Variants in LY6G6F observed in about 807,000 individuals in gnomAD.
LY6G6F encodes lymphocyte antigen 6 complex locus protein G6f.
Under a neutral mutation model 33.0 loss-of-function variants are expected in LY6G6F, and 26 were observed. The ratio of observed to expected loss-of-function variants is 0.79; its 90% CI spans 0.58 to 1.09. The LOEUF is 1.09. Among genes scored for constraint, LY6G6F ranks in the 50% least tolerant of loss-of-function variants. The pLI is 0.00. For synonymous variants in LY6G6F, 132 were observed against 148.1 expected (o/e 0.89, Z 0.79); for missense variants, 317 against 372.0 (o/e 0.85, Z 1.22).
rs1469295081 is a variant in LY6G6F at position 31,708,031 on chromosome 6, C to G, written c.543C>G (p.Leu181=). ...QSFWGSEAAL[L]LVCPGEGLSE... is the part of the protein sequence containing the mutation. ...TCTGGGGCAGTGAGGCTGCCCTGCT[C>G]TTGGTGTGTCCTGGGGAGGGGCTTT... Residue 181 remains leucine, a synonymous_variant, in exon 3 of 6, where the codon CTC becomes CTG. Transcript: ENST00000375832. 1 of 1,612,992 alleles carries G rather than the reference C, an allele frequency of 6.2e-7. No individual in the cohort carries two copies. Among genetic ancestry groups the G allele is most frequent in the African/African-American group, 1.3e-5 (1 of 75,048 alleles).
Position 31,710,553 on chromosome 6 carries a change from G to T in LY6G6F, c.870-14G>T. ...AGAGGTATCCTTAATCTGTCTCTCTGGAAAACCCCACAGCCCACCTGCCCA... is the reference window on the plus strand; with the variant it reads ...AGAGGTATCCTTAATCTGTCTCTCTTGAAAACCCCACAGCCCACCTGCCCA... On this transcript the variant is annotated splice_polypyrimidine_tract_variant and intron_variant, in intron 5 of 5. Coordinates refer to ENST00000375832, the MANE Select transcript of LY6G6F (RefSeq NM_001003693.3). The surrounding 1 kb of genome is among the most constrained non-coding windows in gnomAD (Gnocchi z 4.7). 6.2e-7 allele frequency: 1 copy of T among 1,614,072 alleles called. No individual in the cohort carries two copies. The highest frequency in any genetic ancestry group is 8.5e-7 in the Non-Finnish European group (1 of 1,179,996).
In LY6G6F at chr6:31,708,154, G is replaced by A. The variant is rs774759128; in HGVS notation, c.646+20G>A. Reference sequence around the variant, plus strand: ...TGGCAGGTAAACTGAGGAAGGAGACGGAAAGGGATGTTCTTTCACTTCAGC... The same window carrying A: ...TGGCAGGTAAACTGAGGAAGGAGACAGAAAGGGATGTTCTTTCACTTCAGC... On this transcript the variant is annotated intron_variant, in intron 3 of 5. Transcript: ENST00000375832. The A allele has an allele frequency of 2.1e-5, 32 of 1,516,310 alleles. No homozygotes were observed. Among genetic ancestry groups the A allele is most frequent in the African/African-American group, 7.0e-5 (5 of 71,778 alleles). The allele number at this position is 1,516,310 out of a possible 1,614,324, so 93.9% of individuals were successfully genotyped here. A position where few individuals can be genotyped will look rare whatever the true frequency, so the allele number is the denominator to read the frequency against.
Position 31,707,550 on chromosome 6 carries a change from T to C in LY6G6F, c.145T>C (p.Trp49Arg), listed in dbSNP as rs764519034. 9 of 1,613,994 alleles carry C rather than the reference T, an allele frequency of 5.6e-6. No individual in the cohort carries two copies. The African/African-American group carries it at 9.3e-5, about 17-fold the overall frequency. ...TCTACATGGGGACGAACACCTGTCA[T>C]GGTTCTGCAGCCCTGCAGCAGGCTC... is the stretch of plus-strand genomic sequence containing the variant. ...PTLHGDEHLS[W>R]FCSPAAGSFT... is the part of the protein sequence containing the mutation. The change falls in exon 2 of 6, where the codon TGG becomes CGG. Residue 49 changes from tryptophan to arginine, a missense_variant. Trp to Arg is a moderately radical substitution (Grantham distance 101). Coordinates refer to ENST00000375832, the MANE Select transcript of LY6G6F (RefSeq NM_001003693.3). This position sits in a 1 kb window ranked among gnomAD's most constrained non-coding sequence, Gnocchi z 4.1.
chr6:31,708,252 G>A, intron 3 of LY6G6F, 118 bp downstream of exon 3: 1 of 1,300,956 alleles, frequency 7.7e-7, no homozygotes, highest in South Asian at 1.6e-5. Flanking sequence ...GTAGAGACGA[G>A]ATTTCACCAT....
chr6:31,710,422 AG>A lies in LY6G6F; in HGVS notation c.869+6del, dbSNP rs1805955638. The A allele has an allele frequency of 6.2e-7, 1 of 1,614,142 alleles. No individual in the cohort carries two copies. The highest frequency in any genetic ancestry group is 1.1e-5 in the South Asian group (1 of 91,088). ...ACATCCATTTGGCCCGTCTTGGGTG[AG>A]GAACAGCTAGGGAACAGAGGCTTAA... On this transcript the variant is annotated splice_donor_5th_base_variant and intron_variant, in intron 5 of 5. Coordinates refer to ENST00000375832, the MANE Select transcript of LY6G6F (RefSeq NM_001003693.3). The surrounding 1 kb of genome is among the most constrained non-coding windows in gnomAD (Gnocchi z 4.7).
Position 31,707,796 on chromosome 6 carries a change from G to T in LY6G6F, c.382+9G>T. The T allele has an allele frequency of 6.2e-7, 1 of 1,610,646 alleles. No homozygotes were observed. Among genetic ancestry groups the T allele is most frequent in the Non-Finnish European group, 8.5e-7 (1 of 1,177,246 alleles). On this transcript the variant is annotated intron_variant, in intron 2 of 5. Coordinates refer to ENST00000375832, the MANE Select transcript of LY6G6F (RefSeq NM_001003693.3). The surrounding 1 kb of genome is among the most constrained non-coding windows in gnomAD (Gnocchi z 4.1). ...CGTCTTGGTGCTCAAAGGTGAGTGG[G>T]GGCATGCAGACCAGGGGCTACTGTG...
rs759148750 is a variant in LY6G6F at position 31,707,444 on chromosome 6, C to A, written c.53-14C>A. 10 of 1,610,618 alleles carry A rather than the reference C, an allele frequency of 6.2e-6. No individual in the cohort carries two copies. The highest frequency in any genetic ancestry group is 8.5e-6 in the Non-Finnish European group (10 of 1,177,316). On this transcript the variant is annotated splice_polypyrimidine_tract_variant and intron_variant, in intron 1 of 5. Transcript: ENST00000375832. The surrounding 1 kb of genome is among the most constrained non-coding windows in gnomAD (Gnocchi z 4.1). The stretch of plus-strand genomic sequence containing the variant: ...GATGGAGGTCTCTGGCCTCATACAA[C>A]CCTCTTCCCACAGACAACATGCAGG...
chr6:31,708,582 G>T (rs141412029), intron 3 of LY6G6F, among the ~76,000 whole-genome samples: 1 of 152,174 alleles, frequency 6.6e-6, no homozygotes, highest in Non-Finnish European at 1.5e-5. Flanking sequence ...TTGCCCATGC[G>T]TGAGCAGGGG....
intron 3 of LY6G6F, 51 bp from the exon 4 acceptor site, chr6:31,709,975 A>C: frequency 7.8e-6 from 12 of 1,546,068 alleles, no homozygotes; most frequent in Non-Finnish European, 1.1e-5. Flanking sequence ...GCACAGGGAC[A>C]GGGCCCCTCA....
At position 31,707,353 on chromosome 6, in the gene LY6G6F, C is replaced by A; in HGVS notation, c.53-105C>A. The A allele has an allele frequency of 1.0e-6, 1 of 1,000,472 alleles. No individual in the cohort carries two copies. The highest frequency in any genetic ancestry group is 1.5e-6 in the Non-Finnish European group (1 of 668,678). The allele number at this position is 1,000,472 out of a possible 1,614,324, so 62.0% of individuals were successfully genotyped here. On this transcript the variant is annotated intron_variant, in intron 1 of 5. Coordinates refer to ENST00000375832, the MANE Select transcript of LY6G6F (RefSeq NM_001003693.3). This position sits in a 1 kb window ranked among gnomAD's most constrained non-coding sequence, Gnocchi z 4.1. ...TGAGAAATGTGGTCACCAGCCAGGC[C>A]TGTGCTGGGGGACCCCAGAAGGGAA... is the stretch of plus-strand genomic sequence containing the variant.
intron 3 of LY6G6F, 147 bp from the exon 4 acceptor site, chr6:31,709,879 G>A (rs2151279016): frequency 1.2e-6 from 1 of 804,010 alleles, no homozygotes; most frequent in East Asian, 2.7e-5. Flanking sequence ...GGCAGAGTAG[G>A]GTGGAGGATA....
At position 31,707,764 on chromosome 6, in the gene LY6G6F, TGTACGACGTCTTGGTGCTCAAAGGTGA is replaced by T; in HGVS notation, c.362_382+6del. ...CACCACAACTACCAGAACTGGAGGG[TGTACGACGTCTTGGTGCTCAAAGGTGA>T]GTGGGGGCATGCAGACCAGGGGCTA... is the stretch of plus-strand genomic sequence containing the variant. On this transcript the variant is annotated splice_donor_variant and splice_donor_region_variant and coding_sequence_variant and intron_variant, in exon 2 of 6. Coordinates refer to ENST00000375832, the MANE Select transcript of LY6G6F (RefSeq NM_001003693.3). LOFTEE classifies it high-confidence loss of function. The surrounding 1 kb of genome is among the most constrained non-coding windows in gnomAD (Gnocchi z 4.1). 4 of 1,613,076 alleles carry T rather than the reference TGTACGACGTCTTGGTGCTCAAAGGTGA, an allele frequency of 2.5e-6. No individual in the cohort carries two copies. The highest frequency in any genetic ancestry group is 3.4e-6 in the Non-Finnish European group (4 of 1,179,210).
intron 3 of LY6G6F, among the ~76,000 whole-genome samples, chr6:31,709,242 T>TTG (rs770068919): frequency 3.8e-4 from 47 of 123,066 alleles, no homozygotes; most frequent in African/African-American, 7.0e-4. Context: ...TGGCTAACTT[T>TTG]TGTGTGTGTG....
At chr6:31,709,118 G>A (rs1805834527) in intron 3 of LY6G6F, among the ~76,000 whole-genome samples, 1 of 135,098 alleles carries the variant, frequency 7.4e-6, no homozygotes, top group Non-Finnish European at 1.6e-5. Flanking sequence ...TGTTGGCCAG[G>A]CTGGAATGCA....
Position 31,710,159 on chromosome 6 carries a change from G to T in LY6G6F, c.780G>T (p.Arg260Ser). 1.2e-6 allele frequency: 2 copies of T among 1,612,562 alleles called. No individual in the cohort carries two copies. The highest frequency in any genetic ancestry group is 1.7e-6 in the Non-Finnish European group (2 of 1,179,702). ...TCAGCATCGTGCTCTGGAGGCAGAG[G>T]GTCCGTGGGGCTCCAGGCAGAGGTG... ...LALSIVLWRQ[R>S]VRGAPGRDAS... is the part of the protein sequence containing the mutation. Residue 260 changes from arginine to serine, a missense_variant, in exon 4 of 6, where the codon AGG (arginine) becomes AGT (serine). Coordinates refer to ENST00000375832, the MANE Select transcript of LY6G6F (RefSeq NM_001003693.3). The surrounding 1 kb of genome is among the most constrained non-coding windows in gnomAD (Gnocchi z 4.7).
rs761164727 is a variant in LY6G6F, at chr6:31,710,483, G to A, written c.869+65G>A. 6.8e-6 allele frequency: 11 copies of A among 1,613,500 alleles called. No individual in the cohort carries two copies. The highest frequency in any genetic ancestry group is 1.6e-4 in the Middle Eastern group (1 of 6,062). ...GGGACTGGGGATGGAGAGGAAACAC[G>A]GGTTGGGTTGGGGATGGGCCCTCGT... On this transcript the variant is annotated intron_variant, in intron 5 of 5. Transcript: ENST00000375832. This position sits in a 1 kb window ranked among gnomAD's most constrained non-coding sequence, Gnocchi z 4.7.
At position 31,709,881 on chromosome 6, in the gene LY6G6F, T is replaced by G. The variant is rs972533419; in HGVS notation, c.647-145T>G. On this transcript the variant is annotated intron_variant, in intron 3 of 5. Coordinates refer to ENST00000375832, the MANE Select transcript of LY6G6F (RefSeq NM_001003693.3). ...AGGCCTGGAAAGGGGCAGAGTAGGG[T>G]GGAGGATATTGTGGGCAGGGAAGCT... 4 of 809,892 alleles carry G rather than the reference T, an allele frequency of 4.9e-6. No homozygotes were observed. In the African/African-American group the frequency reaches 5.2e-5, roughly 11 times the overall value. The allele number at this position is 809,892 out of a possible 1,614,324, so 50.2% of individuals were successfully genotyped here. A position where few individuals can be genotyped will look rare whatever the true frequency, so the allele number is the denominator to read the frequency against.
chr6:31,707,699 G>C lies in LY6G6F; in HGVS notation c.294G>C (p.Glu98Asp), dbSNP rs746736953. Residue 98 changes from glutamate (E) to aspartate (D), a missense_variant, in exon 2 of 6, where the codon GAG becomes GAC. Physicochemically the swap from Glu to Asp is conservative, Grantham distance 45. Coordinates refer to ENST00000375832, the MANE Select transcript of LY6G6F (RefSeq NM_001003693.3). The surrounding 1 kb of genome is among the most constrained non-coding windows in gnomAD (Gnocchi z 4.1). ...CTTTGTGGTTGGAGGGATCCAAAGA[G>C]GAAGATGCCGGGCGGTACTGGTGCG... The part of the protein sequence containing the change: ...NYSLWLEGSK[E>D]EDAGRYWCAV... The C allele has an allele frequency of 6.2e-7, 1 of 1,614,058 alleles. No homozygotes were observed. The highest frequency in any genetic ancestry group is 1.3e-5 in the African/African-American group (1 of 74,948).
At position 31,708,141 on chromosome 6, in the gene LY6G6F, T is replaced by C; in HGVS notation, c.646+7T>C. 1 of 1,522,972 alleles carries C rather than the reference T, an allele frequency of 6.6e-7. No homozygotes were observed. Among genetic ancestry groups the C allele is most frequent in the Non-Finnish European group, 8.8e-7 (1 of 1,135,056 alleles). 94.3% of individuals were successfully genotyped at this position (1,522,972 alleles called of 1,614,324 possible). A position where few individuals can be genotyped will look rare whatever the true frequency, so the allele number is the denominator to read the frequency against. ...GTCAGCTTTAGCCTGGCAGGTAAAC[T>C]GAGGAAGGAGACGGAAAGGGATGTT... On this transcript the variant is annotated splice_region_variant and intron_variant, in intron 3 of 5. Transcript: ENST00000375832.
Sources: gnomAD v4.1 joint callset for allele counts (sites outside exome capture counted in the v4.1 genomes callset) on GRCh38, gnomAD v4.1.1 for gene constraint, Gnocchi (gnomAD v3.1) non-coding constraint, MANE v1.5 for transcripts, NCBI Gene and HGNC (gene_info 2026-07-23, HGNC 2026-07-21) for gene names.